ARHGEF3: variants seen among roughly 807,000 people sequenced by gnomAD.
The protein encoded by ARHGEF3 is 59.8 kDA protein.
Under a neutral mutation model 63.2 loss-of-function variants are expected in ARHGEF3, and 28 were observed. The ratio of observed to expected loss-of-function variants is 0.44; its 90% CI spans 0.33 to 0.61. The LOEUF is 0.61. Ranked by LOEUF, ARHGEF3 falls within the 20% of genes least tolerant of loss-of-function variation. The probability of loss-of-function intolerance (pLI) is 0.03; values close to 1 mark genes in which losing one functional copy is unlikely to be tolerated. For missense variants in ARHGEF3, 533 were observed against 659.3 expected (o/e 0.81, Z 2.10); for synonymous variants, 266 against 254.2 (o/e 1.05, Z -0.44).
intron 2 of ARHGEF3, among the ~76,000 whole-genome samples, chr3:56,772,795 T>C (rs1047070818): frequency 3.3e-5 from 5 of 152,234 alleles, no homozygotes; most frequent in African/African-American, 1.2e-4. Flanking sequence ...TTAAATGCAC[T>C]GTCTTGTAAA....
intron 2 of ARHGEF3, among the ~76,000 whole-genome samples, chr3:56,993,847 GA>G (rs1701861428): frequency 6.6e-6 from 1 of 150,974 alleles, no homozygotes; most frequent in Admixed American, 6.6e-5. Context: ...GTAGGTGGAT[GA>G]GGTCAGAAGT....
At chr3:56,916,252 C>A in intron 3 of ARHGEF3, 1 of 1,520,120 alleles carries the variant, frequency 6.6e-7, no homozygotes, top group Non-Finnish European at 8.8e-7. Context: ...CCACCCCACC[C>A]GGCTCGGGTG....
chr3:56,881,131 C>T (rs1481952666), intron 4 of ARHGEF3, among the ~76,000 whole-genome samples: 1 of 152,194 alleles, frequency 6.6e-6, no homozygotes, highest in Non-Finnish European at 1.5e-5. Context: ...TTTAGAAGGG[C>T]TGATCCCAAA....
intron 8 of ARHGEF3, 139 bp downstream of exon 8, chr3:56,737,046 C>A: frequency 2.0e-6 from 2 of 1,001,126 alleles, no homozygotes; most frequent in Non-Finnish European, 2.8e-6. Context: ...AGTGAGCCAG[C>A]CTGGGTGACA....
chr3:57,020,995 T>G (rs11130560), intron 2 of ARHGEF3, among the ~76,000 whole-genome samples: 2 of 152,110 alleles, frequency 1.3e-5, no homozygotes, highest in Non-Finnish European at 2.9e-5. Flanking sequence ...GGTTTGTTCA[T>G]TTCCTCTAGC....
chr3:57,074,143 A>C (rs767241191), intron 1 of ARHGEF3: 33 of 1,614,040 alleles, frequency 2.0e-5, no homozygotes, highest in Non-Finnish European at 2.6e-5. Context: ...CTGTGTGAGG[A>C]TATAGATGCC....
chr3:56,761,320 G>C (rs1377455965), intron 2 of ARHGEF3, among the ~76,000 whole-genome samples: 1 of 151,974 alleles, frequency 6.6e-6, no homozygotes, highest in East Asian at 1.9e-4. Context: ...AGAGTTGAGG[G>C]AGGAACAGGC....
chr3:56,733,443 T>A (rs553540534), intron 8 of ARHGEF3, among the ~76,000 whole-genome samples: 5 of 146,514 alleles, frequency 3.4e-5, no homozygotes, highest in African/African-American at 1.3e-4. Context: ...ACCACTGCAC[T>A]TCAGCCTGGG....
In ARHGEF3 at chr3:56,729,328, C is replaced by T. The variant is rs747003453; in HGVS notation, c.1523G>A (p.Arg508His). 4.0e-5 allele frequency: 65 copies of T among 1,614,000 alleles called. No individual in the cohort carries two copies. Among genetic ancestry groups the T allele is most frequent in the Non-Finnish European group, 4.9e-5 (58 of 1,180,030 alleles). ...ACAGGAAGAGTCTGTCTGTTCCATG[C>T]GCTCACAGTCGAGGCTGACCTCACT... is the stretch of plus-strand genomic sequence containing the variant. ...DTSEVSLDCERMEQTDSSCGN... is the reference protein window; with the variant it reads ...DTSEVSLDCEHMEQTDSSCGN... The change falls in exon 10 of 10, where the codon CGC becomes CAC. Residue 508 changes from arginine (R) to histidine (H), a missense_variant. This residue lies in a region of ARHGEF3 where 115 missense variants were observed against 103.4 expected (regional missense o/e 1.11). Transcript: ENST00000296315.
chr3:56,968,636 C>T (rs1700772901), intron 2 of ARHGEF3, among the ~76,000 whole-genome samples: 1 of 151,024 alleles, frequency 6.6e-6, no homozygotes, highest in African/African-American at 2.4e-5. Context: ...GCCTATTAGT[C>T]ACATTTTAAA....
intron 3 of ARHGEF3, among the ~76,000 whole-genome samples, chr3:56,919,470 C>A (rs140607059): frequency 1.3e-5 from 2 of 152,168 alleles, no homozygotes; most frequent in African/African-American, 4.8e-5. Context: ...TTCCCTGTCA[C>A]GCACATTTTT....
intron 3 of ARHGEF3, among the ~76,000 whole-genome samples, chr3:56,901,196 G>A (rs57457989): frequency 0.13 from 19,217 of 152,112 alleles, 1,279 homozygotes; most frequent in African/African-American, 0.14. Context: ...GCAAAAGAAG[G>A]TGATCCACAA....
intron 2 of ARHGEF3, among the ~76,000 whole-genome samples, chr3:57,022,781 A>G (rs977925534): frequency 2.0e-5 from 3 of 151,910 alleles, no homozygotes; most frequent in African/African-American, 7.3e-5. Context: ...CTTTCAAGAC[A>G]TGACTCGCAG....
At chr3:56,782,023 C>T (rs1322769440) in intron 1 of ARHGEF3, among the ~76,000 whole-genome samples, 1 of 152,050 alleles carries the variant, frequency 6.6e-6, no homozygotes, top group Non-Finnish European at 1.5e-5. Flanking sequence ...GCTGCCTGAG[C>T]AAAGGAGGAG....
chr3:56,924,571 A>G (rs1243897269), intron 3 of ARHGEF3, among the ~76,000 whole-genome samples: 1 of 152,226 alleles, frequency 6.6e-6, no homozygotes, highest in Non-Finnish European at 1.5e-5. Context: ...TTTCTTGATT[A>G]TATGTTAAAC....
chr3:56,785,694 T>C (rs2036767957), intron 1 of ARHGEF3, among the ~76,000 whole-genome samples: 1 of 152,146 alleles, frequency 6.6e-6, no homozygotes, highest in South Asian at 2.1e-4. Context: ...GGTGCTCAGA[T>C]CTTAATCTCA....
chr3:56,995,285 A>C (rs1701926638), intron 2 of ARHGEF3, among the ~76,000 whole-genome samples: 1 of 152,066 alleles, frequency 6.6e-6, no homozygotes, highest in Non-Finnish European at 1.5e-5. Context: ...GTGAAGAGGC[A>C]TCTTGTCCTT....
intron 3 of ARHGEF3, among the ~76,000 whole-genome samples, chr3:56,893,621 C>A (rs1236458311): frequency 6.6e-6 from 1 of 152,070 alleles, no homozygotes; most frequent in Non-Finnish European, 1.5e-5. Flanking sequence ...GCCTGACCAA[C>A]ATGGTGAAAC....
At chr3:56,857,667 A>G (rs2039931825) in intron 4 of ARHGEF3, among the ~76,000 whole-genome samples, 1 of 152,234 alleles carries the variant, frequency 6.6e-6, no homozygotes, top group Admixed American at 6.5e-5. Flanking sequence ...CCAAACGGCT[A>G]TAACACCAAA....
Sources: gnomAD v4.1 joint callset for allele counts (sites outside exome capture counted in the v4.1 genomes callset) on GRCh38, gnomAD v4.1.1 for gene constraint, gnomAD v4.1.1 regional missense constraint, MANE v1.5 for transcripts, NCBI Gene and HGNC (gene_info 2026-07-23, HGNC 2026-07-21) for gene names.